Variants in ZDHHC2 observed in about 807,000 individuals in gnomAD.
ZDHHC2 encodes zDHHC palmitoyltransferase 2, also known as palmitoyltransferase ZDHHC2.
Under a neutral mutation model 55.6 loss-of-function variants are expected in ZDHHC2, and 51 were observed. That is an observed-to-expected ratio of 0.92 (90% CI 0.73 to 1.16). The LOEUF is 1.16. Ranked by LOEUF, ZDHHC2 falls within the 50% of genes most tolerant of loss-of-function variation. The pLI, the probability that ZDHHC2 is intolerant of heterozygous loss-of-function variation, is 0.00. For missense variants in ZDHHC2, 491 were observed against 442.4 expected, an observed-to-expected ratio of 1.11 and a Z score of -0.99; for synonymous variants, 199 against 152.9, an observed-to-expected ratio of 1.30 and a Z score of -2.22.
At chr8:17,167,397 C>T (rs1804655971) in intron 1 of ZDHHC2, among the ~76,000 whole-genome samples, 1 of 151,152 alleles carries the variant, frequency 6.6e-6, no homozygotes, top group Non-Finnish European at 1.5e-5. Context: ...CCTCTGCCTC[C>T]CGAGTTCAAG....
chr8:17,217,831 A>G (rs1046056127), intron 12 of ZDHHC2, among the ~76,000 whole-genome samples: 4 of 152,172 alleles, frequency 2.6e-5, no homozygotes, highest in African/African-American at 9.7e-5. Context: ...TTTCTTTAAA[A>G]TATGATCTGT....
rs958525441 is a variant in ZDHHC2 at position 17,221,526 on chromosome 8, T to C, written c.*1305T>C. On this transcript the variant is annotated 3_prime_UTR_variant, in exon 13 of 13. Coordinates refer to ENST00000262096, the MANE Select transcript of ZDHHC2 (RefSeq NM_016353.5). ...TTTTAAAACTGGACCAACTAAGTAA[T>C]TGGTATTTAATCAAAGAGAAAATGG... 1.3e-5 allele frequency: 2 copies of C among 152,450 alleles called. No homozygotes were observed. Among genetic ancestry groups the C allele is most frequent in the East Asian group, 1.9e-4 (1 of 5,202 alleles). 9.4% of individuals were successfully genotyped at this position (152,450 alleles called of 1,614,324 possible). A position where few individuals can be genotyped will look rare whatever the true frequency, so the allele number is the denominator to read the frequency against.
Position 17,212,223 on chromosome 8 carries a change from C to T in ZDHHC2, c.950+1743C>T, listed in dbSNP as rs141864673. 2.2e-3 allele frequency among the ~76,000 whole-genome samples: 332 copies of T among 152,220 alleles called. 1 individual carries two copies. The highest frequency in any genetic ancestry group is 7.7e-3 in the African/African-American group (318 of 41,516). On this transcript the variant is annotated intron_variant, in intron 10 of 12. Transcript: ENST00000262096. Reference sequence around the variant, plus strand: ...TTGAGCCCAGATAAAATTTTCGTGGCAAGTTCTGTTCTCTTCTTTACTCCA... The same window carrying T: ...TTGAGCCCAGATAAAATTTTCGTGGTAAGTTCTGTTCTCTTCTTTACTCCA...
chr8:17,174,814 G>C (rs1268015012), intron 1 of ZDHHC2, among the ~76,000 whole-genome samples: 1 of 148,864 alleles, frequency 6.7e-6, no homozygotes, highest in Admixed American at 6.8e-5. Flanking sequence ...GGGCTCAAGG[G>C]ATCCTCCCAC....
At chr8:17,176,674 A>C (rs186860672) in intron 1 of ZDHHC2, among the ~76,000 whole-genome samples, 1 of 152,280 alleles carries the variant, frequency 6.6e-6, no homozygotes, top group Admixed American at 6.5e-5. Flanking sequence ...GGGAGGGTAC[A>C]ATGTTAGCTT....
rs189675536 is a variant in ZDHHC2 at position 17,172,336 on chromosome 8, G to A, written c.131-12453G>A. 7.2e-5 allele frequency among the ~76,000 whole-genome samples: 11 copies of A among 152,238 alleles called. No individual in the cohort carries two copies. In the East Asian group the frequency reaches 7.7e-4, roughly 11 times the overall value. On this transcript the variant is annotated intron_variant, in intron 1 of 12. Coordinates refer to ENST00000262096, the MANE Select transcript of ZDHHC2 (RefSeq NM_016353.5). ...CTTTTAATTCGTCTCAAAGTGTGGC[G>A]TTTTCTCTAACTCGCTCAAGCACAA...
intron 5 of ZDHHC2, 85 bp downstream of exon 5, chr8:17,197,736 T>A: frequency 7.2e-7 from 1 of 1,389,406 alleles, no homozygotes; most frequent in Non-Finnish European, 1.0e-6. Context: ...TTTTCCTGAT[T>A]ATCTTCTCCA....
intron 2 of ZDHHC2, among the ~76,000 whole-genome samples, chr8:17,185,426 G>A (rs888917187): frequency 2.6e-5 from 4 of 152,034 alleles, no homozygotes; most frequent in Non-Finnish European, 5.9e-5. Context: ...GGAGGCCAAA[G>A]CGGGCAGATC....
intron 1 of ZDHHC2, among the ~76,000 whole-genome samples, chr8:17,160,538 G>A (rs1187237878): frequency 6.6e-6 from 1 of 152,180 alleles, no homozygotes; most frequent in East Asian, 1.9e-4. Flanking sequence ...CCTAGCGGAG[G>A]TGTCAGCTAT....
chr8:17,186,588 C>A (rs902127828), intron 3 of ZDHHC2, among the ~76,000 whole-genome samples, 163 bp downstream of exon 3: 2 of 151,992 alleles, frequency 1.3e-5, no homozygotes, highest in East Asian at 3.9e-4. Context: ...GAATTTTCAC[C>A]TGGAAATATT....
chr8:17,222,080 A>G lies in ZDHHC2; in HGVS notation c.*1859A>G, dbSNP rs567932298. ...CTCTTGTCAAACTGGAAGCTAGGGGAAAAAGAGGGATTTTTATCCTTTACT... is the reference window on the plus strand; with the variant it reads ...CTCTTGTCAAACTGGAAGCTAGGGGGAAAAGAGGGATTTTTATCCTTTACT... On this transcript the variant is annotated 3_prime_UTR_variant, in exon 13 of 13. Coordinates refer to ENST00000262096, the MANE Select transcript of ZDHHC2 (RefSeq NM_016353.5). 73 of 149,878 alleles carry G rather than the reference A, an allele frequency of 4.9e-4. 3 individuals are homozygous for G. The South Asian group carries it at 0.011, about 22-fold the overall frequency. The allele number at this position is 149,878 out of a possible 1,614,324, so 9.3% of individuals were successfully genotyped here.
At chr8:17,215,206 T>G in intron 10 of ZDHHC2, 31 bp from the exon 11 acceptor site, 4 of 1,524,956 alleles carry the variant, frequency 2.6e-6, no homozygotes, top group Non-Finnish European at 3.5e-6. Flanking sequence ...TAGCTTATGA[T>G]GATTTTGATG....
chr8:17,200,781 A>G (rs890235555), intron 6 of ZDHHC2, among the ~76,000 whole-genome samples: 1 of 152,182 alleles, frequency 6.6e-6, no homozygotes, highest in Non-Finnish European at 1.5e-5. Flanking sequence ...AATTTTTAAA[A>G]ATAGGTTCCA....
chr8:17,218,362 A>T (rs1009054397), intron 12 of ZDHHC2, among the ~76,000 whole-genome samples: 1 of 152,236 alleles, frequency 6.6e-6, no homozygotes, highest in East Asian at 1.9e-4. Context: ...AAATATACAG[A>T]ACATAGTTCT....
Position 17,186,322 on chromosome 8 carries a change from T to A in ZDHHC2, c.158-9T>A, listed in dbSNP as rs746141882. Reference sequence around the variant, plus strand: ...TATTATAATGATAATTATGTTTTTCTCATTTTAGTTGTGTGCCTGATGGCC... The same window carrying A: ...TATTATAATGATAATTATGTTTTTCACATTTTAGTTGTGTGCCTGATGGCC... On this transcript the variant is annotated splice_polypyrimidine_tract_variant and intron_variant, in intron 2 of 12. Transcript: ENST00000262096. The A allele has an allele frequency of 6.4e-7, 1 of 1,568,366 alleles. No individual in the cohort carries two copies. Among genetic ancestry groups the A allele is most frequent in the South Asian group, 1.2e-5 (1 of 85,236 alleles).
chr8:17,189,460 C>T (rs1805908554), intron 3 of ZDHHC2, among the ~76,000 whole-genome samples: 1 of 152,180 alleles, frequency 6.6e-6, no homozygotes, highest in Non-Finnish European at 1.5e-5. Flanking sequence ...ACTGCTTCAT[C>T]ACCAGTGCCT....
Position 17,198,505 on chromosome 8 carries a change from A to G in ZDHHC2, c.476+92A>G, listed in dbSNP as rs1337446378. On this transcript the variant is annotated intron_variant, in intron 6 of 12. Transcript: ENST00000262096. ...CCATGTAAATCTTTTCACACATGAA[A>G]TATTACTTGAGTTGACATAGCAGGA... 9.1e-6 allele frequency: 11 copies of G among 1,205,206 alleles called. No homozygotes were observed. In the East Asian group the frequency reaches 3.0e-4, roughly 33 times the overall value. The allele number at this position is 1,205,206 out of a possible 1,614,324, so 74.7% of individuals were successfully genotyped here. A position where few individuals can be genotyped will look rare whatever the true frequency, so the allele number is the denominator to read the frequency against.
intron 1 of ZDHHC2, among the ~76,000 whole-genome samples, chr8:17,178,514 C>T (rs559062768): frequency 6.8e-4 from 103 of 152,298 alleles, no homozygotes; most frequent in Non-Finnish European, 1.1e-3. Flanking sequence ...GCTTTGCAGT[C>T]CATACTTTCC....
Position 17,207,965 on chromosome 8 carries a change from C to G in ZDHHC2, c.603C>G (p.Gly201=). 6.4e-7 allele frequency: 1 copy of G among 1,551,084 alleles called. No individual in the cohort carries two copies. The highest frequency in any genetic ancestry group is 1.4e-5 in the African/African-American group (1 of 73,110). ...LQYFIKFWTN[G]LPDTQAKFHI... The stretch of plus-strand genomic sequence containing the variant: ...TTTTCTTCCTTTCTTTATAGAATGG[C>G]CTACCTGATACTCAAGCCAAGTTCC... The change falls in exon 8 of 13, where the codon GGC becomes GGG. Residue 201 remains glycine (G), a synonymous_variant. Coordinates refer to ENST00000262096, the MANE Select transcript of ZDHHC2 (RefSeq NM_016353.5).
Sources: gnomAD v4.1 joint callset for allele counts (sites outside exome capture counted in the v4.1 genomes callset) on GRCh38, gnomAD v4.1.1 for gene constraint, MANE v1.5 for transcripts, NCBI Gene and HGNC (gene_info 2026-07-23, HGNC 2026-07-21) for gene names.